GRID2: variants seen among roughly 807,000 people sequenced by gnomAD.
GRID2 encodes glutamate ionotropic receptor delta type subunit 2.
A neutral mutation model predicts 114.8 loss-of-function variants in GRID2; 33 were observed. The observed-to-expected ratio is 0.29, with a 90% CI of 0.22 to 0.38. GRID2 has a LOEUF of 0.38. GRID2 is among the 10% of genes least tolerant of loss of function. The pLI is 1.00. For missense variants in GRID2, 1,184 were observed against 1,257.7 expected (o/e 0.94, Z 0.89); for synonymous variants, 505 against 449.9 (o/e 1.12, Z -1.55).
At chr4:93,174,152 T>C (rs1450957354) in intron 4 of GRID2, among the ~76,000 whole-genome samples, 2 of 152,188 alleles carry the variant, frequency 1.3e-5, no homozygotes, top group Non-Finnish European at 2.9e-5. Context: ...TGTATGTGTA[T>C]GTTTAACTCA....
intron 13 of GRID2, among the ~76,000 whole-genome samples, chr4:93,529,119 A>G (rs1164506091): frequency 6.6e-6 from 1 of 152,162 alleles, no homozygotes; most frequent in East Asian, 1.9e-4. Context: ...TTCACATCAC[A>G]ATTTGAGTGG....
chr4:92,971,146 C>T (rs966320947), intron 2 of GRID2, among the ~76,000 whole-genome samples: 1 of 151,890 alleles, frequency 6.6e-6, no homozygotes, highest in African/African-American at 2.4e-5. Context: ...CATCTTAAAG[C>T]TTTAAACTAA....
chr4:93,076,498 T>G (rs1216131015), intron 2 of GRID2, among the ~76,000 whole-genome samples: 2 of 152,158 alleles, frequency 1.3e-5, no homozygotes, highest in Admixed American at 1.3e-4. Flanking sequence ...CTTTACACTT[T>G]TCCTAATGTT....
chr4:93,335,975 C>G (rs1449955241), intron 8 of GRID2, among the ~76,000 whole-genome samples: 2 of 152,178 alleles, frequency 1.3e-5, no homozygotes, highest in African/African-American at 4.8e-5. Context: ...GCGTGAGCCA[C>G]CACACCTGTC....
At chr4:93,231,351 T>G (rs1746113172) in intron 7 of GRID2, among the ~76,000 whole-genome samples, 1 of 148,310 alleles carries the variant, frequency 6.7e-6, no homozygotes, top group Non-Finnish European at 1.5e-5. Context: ...TAGAATGTAC[T>G]GTGCAAACTC....
intron 2 of GRID2, among the ~76,000 whole-genome samples, chr4:92,868,030 TTC>T (rs1159927031): frequency 1.7e-5 from 2 of 119,510 alleles, no homozygotes; most frequent in Admixed American, 9.2e-5. Context: ...CTTTCTTTCT[TTC>T]TTTCTTTCTT....
At chr4:92,698,820 T>C (rs191832419) in intron 2 of GRID2, among the ~76,000 whole-genome samples, 30 of 152,198 alleles carry the variant, frequency 2.0e-4, no homozygotes, top group East Asian at 9.6e-4. Context: ...TCATAAGCCA[T>C]GTGTATCTAT....
chr4:93,536,592 T>C (rs1290440787), intron 13 of GRID2, among the ~76,000 whole-genome samples: 2 of 151,142 alleles, frequency 1.3e-5, no homozygotes, highest in African/African-American at 2.4e-5. Flanking sequence ...AAAGAAAATA[T>C]AGTGGAGGAA....
chr4:92,565,760 T>C (rs1178134192), intron 1 of GRID2, among the ~76,000 whole-genome samples: 1 of 152,036 alleles, frequency 6.6e-6, no homozygotes, highest in Admixed American at 6.6e-5. Context: ...ATAAGCCCAG[T>C]ACTAGTTGCT....
At chr4:92,476,407 A>G (rs1317120353) in intron 1 of GRID2, among the ~76,000 whole-genome samples, 1 of 152,110 alleles carries the variant, frequency 6.6e-6, no homozygotes, top group Non-Finnish European at 1.5e-5. Flanking sequence ...CACGACAACA[A>G]TCTAATGTAG....
At chr4:92,560,732 G>A (rs1450431929) in intron 1 of GRID2, among the ~76,000 whole-genome samples, 2 of 151,796 alleles carry the variant, frequency 1.3e-5, no homozygotes, top group African/African-American at 4.8e-5. Flanking sequence ...TTGAGACAGA[G>A]TGCCACTCTT....
At chr4:92,669,371 A>G (rs943083757) in intron 2 of GRID2, among the ~76,000 whole-genome samples, 9 of 151,910 alleles carry the variant, frequency 5.9e-5, no homozygotes, top group African/African-American at 2.2e-4. Flanking sequence ...TTTGTATATT[A>G]TAAAATTCTG....
At chr4:92,438,416 T>A (rs1732843216) in intron 1 of GRID2, among the ~76,000 whole-genome samples, 1 of 152,156 alleles carries the variant, frequency 6.6e-6, no homozygotes, top group African/African-American at 2.4e-5. Context: ...GCTCCCATAA[T>A]CCCTGTCCTT....
chr4:93,542,715 G>A (rs1025258076), intron 13 of GRID2, among the ~76,000 whole-genome samples: 14 of 152,104 alleles, frequency 9.2e-5, no homozygotes, highest in African/African-American at 3.1e-4. Flanking sequence ...TGCTCAGAAG[G>A]CAGGAGGAGA....
At chr4:92,609,843 T>C (rs1415879214) in intron 2 of GRID2, among the ~76,000 whole-genome samples, 1 of 151,682 alleles carries the variant, frequency 6.6e-6, no homozygotes, top group African/African-American at 2.4e-5. Flanking sequence ...GCAGTTTATC[T>C]GCATATTTGA....
At chr4:93,079,527 A>G (rs919678941) in intron 2 of GRID2, among the ~76,000 whole-genome samples, 5 of 151,840 alleles carry the variant, frequency 3.3e-5, no homozygotes, top group Admixed American at 1.3e-4. Context: ...GTAGTTCTTC[A>G]TGGCCCAGAC....
At chr4:93,713,968 T>C (rs1202719300) in intron 14 of GRID2, among the ~76,000 whole-genome samples, 1 of 152,146 alleles carries the variant, frequency 6.6e-6, no homozygotes, top group African/African-American at 2.4e-5. Context: ...GGGGTATATG[T>C]GCAGGATGTG....
At chr4:92,409,930 A>G (rs1055385851) in intron 1 of GRID2, among the ~76,000 whole-genome samples, 3 of 152,146 alleles carry the variant, frequency 2.0e-5, no homozygotes, top group African/African-American at 7.2e-5. Flanking sequence ...TTTCTCTGTC[A>G]TCTACACTTC....
At chr4:92,921,254 G>A (rs1421787700) in intron 2 of GRID2, among the ~76,000 whole-genome samples, 2 of 151,586 alleles carry the variant, frequency 1.3e-5, no homozygotes, top group Non-Finnish European at 2.9e-5. Context: ...ATTTGTTTAA[G>A]TTTTTTTTAA....
Sources: gnomAD v4.1 joint callset for allele counts (sites outside exome capture counted in the v4.1 genomes callset) on GRCh38, gnomAD v4.1.1 for gene constraint, MANE v1.5 for transcripts, NCBI Gene and HGNC (gene_info 2026-07-23, HGNC 2026-07-21) for gene names.